Variants in ST3GAL2 observed in about 807,000 individuals in gnomAD.
The protein encoded by ST3GAL2 is ST3 beta-galactoside alpha-2,3-sialyltransferase 2.
Under a neutral mutation model 37.5 loss-of-function variants are expected in ST3GAL2, and 16 were observed. That is an observed-to-expected ratio of 0.43 (90% CI 0.29 to 0.65). The LOEUF is 0.65. Among genes scored for constraint, ST3GAL2 ranks in the 30% least tolerant of loss-of-function variants. The probability of loss-of-function intolerance (pLI) is 0.17; values close to 1 mark genes in which losing one functional copy is unlikely to be tolerated. For synonymous variants in ST3GAL2, 238 were observed against 202.9 expected (o/e 1.17, Z -1.47); for missense variants, 383 against 487.8 (o/e 0.79, Z 2.02).
chr16:70,398,259 C>G lies in ST3GAL2; in HGVS notation c.272G>C (p.Gly91Ala), dbSNP rs1033138705. 7.4e-6 allele frequency: 12 copies of G among 1,613,454 alleles called. No homozygotes were observed. Among genetic ancestry groups the G allele is most frequent in the Admixed American group, 5.0e-5 (3 of 60,032 alleles). The change falls in exon 2 of 7, where the codon GGT becomes GCT. Residue 91 changes from glycine to alanine, a missense_variant. Physicochemically the swap from Gly to Ala is moderately conservative, Grantham distance 60 (BLOSUM62 0). This residue lies in a region of ST3GAL2 where 223 missense variants were observed against 239.1 expected (regional missense o/e 0.93). Coordinates refer to ENST00000342907, the MANE Select transcript of ST3GAL2 (RefSeq NM_006927.4). ...ASDWFDSHFD[G>A]NISPVWTREN... ...TCGGGTCCAGACGGGGGAAATGTTA[C>G]CGTCAAAGTGGCTGTCAAACCAGTC... is the stretch of plus-strand genomic sequence containing the variant.
chr16:70,407,923 G>A (rs770386292), intron 1 of ST3GAL2, among the ~76,000 whole-genome samples: 1 of 152,124 alleles, frequency 6.6e-6, no homozygotes, highest in Non-Finnish European at 1.5e-5. Flanking sequence ...GAAAAGAAAC[G>A]TCAAAATAAG....
chr16:70,387,635 T>A (rs1378555286), intron 4 of ST3GAL2, among the ~76,000 whole-genome samples: 1 of 152,192 alleles, frequency 6.6e-6, no homozygotes, highest in Non-Finnish European at 1.5e-5. Flanking sequence ...AGTTACTGGA[T>A]TATACACATT....
intron 1 of ST3GAL2, among the ~76,000 whole-genome samples, chr16:70,407,269 C>T (rs1347117162): frequency 1.3e-5 from 2 of 151,862 alleles, no homozygotes; most frequent in African/African-American, 4.8e-5. Context: ...GCCTCCCAAG[C>T]AGCTGGCACT....
At chr16:70,408,049 A>C (rs950654588) in intron 1 of ST3GAL2, among the ~76,000 whole-genome samples, 3 of 152,096 alleles carry the variant, frequency 2.0e-5, no homozygotes, top group African/African-American at 4.8e-5. Flanking sequence ...CCCAAAGCTC[A>C]TTCTAAAGGC....
At chr16:70,401,584 A>C (rs1418551057) in intron 1 of ST3GAL2, among the ~76,000 whole-genome samples, 1 of 152,006 alleles carries the variant, frequency 6.6e-6, no homozygotes, top group African/African-American at 2.4e-5. Flanking sequence ...CCTGGCAATG[A>C]CCCTCTCACA....
At chr16:70,409,241 T>C (rs562493775) in intron 1 of ST3GAL2, among the ~76,000 whole-genome samples, 105 of 152,306 alleles carry the variant, frequency 6.9e-4, no homozygotes, top group Non-Finnish European at 1.2e-3. Context: ...GGTTGGAGCC[T>C]GGGCAACAGA....
In ST3GAL2 at chr16:70,381,599, C is replaced by G. The variant is rs993945430; in HGVS notation, c.*90G>C. 1.3e-6 allele frequency: 2 copies of G among 1,492,224 alleles called. No homozygotes were observed. The highest frequency in any genetic ancestry group is 2.8e-5 in the African/African-American group (2 of 72,312). The allele number at this position is 1,492,224 out of a possible 1,614,324, so 92.4% of individuals were successfully genotyped here. ...CACAGCAGACGCCCCTGGGCTGCAG[C>G]ATGATTGGTCGCGGGTTGCTGGTCC... On this transcript the variant is annotated 3_prime_UTR_variant, in exon 7 of 7. Coordinates refer to ENST00000342907, the MANE Select transcript of ST3GAL2 (RefSeq NM_006927.4).
At chr16:70,415,235 C>T (rs2047667753) in intron 1 of ST3GAL2, among the ~76,000 whole-genome samples, 1 of 151,630 alleles carries the variant, frequency 6.6e-6, no homozygotes, top group African/African-American at 2.4e-5. Context: ...TCTCAAACTC[C>T]TGACTGTTAG....
chr16:70,413,115 TG>T, intron 1 of ST3GAL2, among the ~76,000 whole-genome samples: 1 of 151,940 alleles, frequency 6.6e-6, no homozygotes, highest in Non-Finnish European at 1.5e-5. Flanking sequence ...CCGGGCATGG[TG>T]GCGGATGCCT....
intron 1 of ST3GAL2, among the ~76,000 whole-genome samples, chr16:70,427,572 C>T (rs2047760371): frequency 1.3e-5 from 2 of 151,598 alleles, no homozygotes; most frequent in Non-Finnish European, 2.9e-5. Flanking sequence ...CTCCTGACCT[C>T]GTGATCCGCC....
chr16:70,399,935 T>C (rs118038889), intron 1 of ST3GAL2: 8,889 of 152,652 alleles, frequency 0.058, 292 homozygotes, highest in Non-Finnish European at 0.072. Context: ...AGCCTGTCAG[T>C]GCCTGCAGAG....
chr16:70,422,375 G>A (rs1387843203), intron 1 of ST3GAL2, among the ~76,000 whole-genome samples: 1 of 152,198 alleles, frequency 6.6e-6, no homozygotes, highest in African/African-American at 2.4e-5. Flanking sequence ...AAAGGGAACA[G>A]GTGTGTGTGA....
rs373567979 is a variant in ST3GAL2 at position 70,398,761 on chromosome 16, G to A, written c.-231C>T. On this transcript the variant is annotated 5_prime_UTR_variant, in exon 2 of 7. Coordinates refer to ENST00000342907, the MANE Select transcript of ST3GAL2 (RefSeq NM_006927.4). The stretch of plus-strand genomic sequence containing the variant: ...CTGAGTCAGGCGGGGCCCCTGCTTA[G>A]GGCTTCATCGGGTCTCTCCGTCACT... 1 of 591,152 alleles carries A rather than the reference G, an allele frequency of 1.7e-6. No homozygotes were observed. The highest frequency in any genetic ancestry group is 3.0e-6 in the Non-Finnish European group (1 of 332,266). The allele number at this position is 591,152 out of a possible 1,614,324, so 36.6% of individuals were successfully genotyped here.
At chr16:70,434,320 C>T (rs1426685427) in intron 1 of ST3GAL2, among the ~76,000 whole-genome samples, 1 of 152,034 alleles carries the variant, frequency 6.6e-6, no homozygotes, top group East Asian at 1.9e-4. Context: ...GCCTGTAATC[C>T]CAGCTACTCG....
chr16:70,420,840 C>T (rs558642778), intron 1 of ST3GAL2, among the ~76,000 whole-genome samples: 1 of 152,346 alleles, frequency 6.6e-6, no homozygotes, highest in Non-Finnish European at 1.5e-5. Context: ...AAGCCATGTC[C>T]TCCCACCCAG....
At chr16:70,436,925 C>A (rs890463466) in intron 1 of ST3GAL2, among the ~76,000 whole-genome samples, 6 of 152,138 alleles carry the variant, frequency 3.9e-5, no homozygotes, top group African/African-American at 1.4e-4. Context: ...CAGGCCCTAC[C>A]CCTCAGGTCT....
chr16:70,386,617 A>G (rs903246356), intron 4 of ST3GAL2, among the ~76,000 whole-genome samples: 4 of 151,816 alleles, frequency 2.6e-5, no homozygotes, highest in Non-Finnish European at 5.9e-5. Context: ...GATTACAGGC[A>G]TGAACCACCA....
rs1248550777 is a variant in ST3GAL2, at chr16:70,404,256, C to A, written c.-1003-4723G>T. Among the ~76,000 whole-genome samples the A allele has an allele frequency of 2.6e-5, 4 of 152,122 alleles. No individual in the cohort carries two copies. In the East Asian group the frequency reaches 7.7e-4, roughly 29 times the overall value. ...GCCAGGAAAGAAACAGCCAATGAGG[C>A]AGGGGGAAAAACAGCCCTGCATCTG... On this transcript the variant is annotated intron_variant, in intron 1 of 6. Transcript: ENST00000342907.
intron 3 of ST3GAL2, among the ~76,000 whole-genome samples, chr16:70,393,368 G>A (rs2047494409): frequency 6.6e-6 from 1 of 152,172 alleles, no homozygotes; most frequent in Admixed American, 6.5e-5. Flanking sequence ...ATGAGCCACA[G>A]CATGTGCAGC....
Sources: gnomAD v4.1 joint callset for allele counts (sites outside exome capture counted in the v4.1 genomes callset) on GRCh38, gnomAD v4.1.1 for gene constraint, gnomAD v4.1.1 regional missense constraint, MANE v1.5 for transcripts, NCBI Gene and HGNC (gene_info 2026-07-23, HGNC 2026-07-21) for gene names.